The following CDKAL1 variants were observed in gnomAD, a reference collection of about 807,000 sequenced individuals.
CDKAL1 encodes threonylcarbamoyladenosine tRNA methylthiotransferase.
A neutral mutation model predicts 68.2 loss-of-function variants in CDKAL1; 32 were observed. The observed-to-expected ratio is 0.47, with a 90% CI of 0.35 to 0.63. The LOEUF is 0.63. Among genes scored for constraint, CDKAL1 ranks in the 30% least tolerant of loss-of-function variants. CDKAL1 has a pLI of 0.00. For synonymous variants in CDKAL1, 234 were observed against 244.3 expected, an observed-to-expected ratio of 0.96 and a Z score of 0.39; for missense variants, 606 against 696.7, an observed-to-expected ratio of 0.87 and a Z score of 1.47.
At chr6:21,130,768 C>T (rs898888581) in intron 13 of CDKAL1, among the ~76,000 whole-genome samples, 1 of 152,144 alleles carries the variant, frequency 6.6e-6, no homozygotes, top group South Asian at 2.1e-4. Context: ...CAGGGAACTG[C>T]CACCACCCTG....
intron 9 of CDKAL1, among the ~76,000 whole-genome samples, chr6:20,900,025 G>C (rs1761885634): frequency 6.6e-6 from 1 of 152,170 alleles, no homozygotes; most frequent in Admixed American, 6.5e-5. Context: ...TCAATGATTA[G>C]AGATGCTAGC....
At chr6:21,227,357 A>G (rs2151129578) in intron 15 of CDKAL1, among the ~76,000 whole-genome samples, 1 of 152,312 alleles carries the variant, frequency 6.6e-6, no homozygotes. Context: ...TAAGTATCTC[A>G]GTGGTAGTGA....
intron 8 of CDKAL1, among the ~76,000 whole-genome samples, chr6:20,790,231 G>C (rs1775840087): frequency 1.3e-5 from 2 of 152,194 alleles, no homozygotes; most frequent in Non-Finnish European, 1.5e-5. Flanking sequence ...AAAGTTATAA[G>C]CTCACATTGT....
chr6:20,895,339 A>T (rs1340385666), intron 9 of CDKAL1, among the ~76,000 whole-genome samples: 1 of 152,338 alleles, frequency 6.6e-6, no homozygotes, highest in Admixed American at 6.5e-5. Context: ...TTTTATACAC[A>T]TGTGAGAGTT....
chr6:20,967,042 A>G (rs1010558995), intron 10 of CDKAL1, among the ~76,000 whole-genome samples: 1 of 152,172 alleles, frequency 6.6e-6, no homozygotes, highest in Non-Finnish European at 1.5e-5. Context: ...ATGGTTACTG[A>G]CAATACTTGG....
intron 8 of CDKAL1, among the ~76,000 whole-genome samples, chr6:20,814,192 A>C (rs1443662768): frequency 6.6e-6 from 1 of 152,086 alleles, no homozygotes; most frequent in Non-Finnish European, 1.5e-5. Flanking sequence ...ATTGTGAATG[A>C]TATTTTAAGA....
intron 10 of CDKAL1, among the ~76,000 whole-genome samples, chr6:20,987,341 C>T (rs529297003): frequency 1.4e-3 from 208 of 151,816 alleles, no homozygotes; most frequent in Non-Finnish European, 2.3e-3. Context: ...TCACTGCAAC[C>T]TCTGCCTCCT....
At chr6:20,680,640 T>C (rs923103837) in intron 5 of CDKAL1, among the ~76,000 whole-genome samples, 1 of 152,218 alleles carries the variant, frequency 6.6e-6, no homozygotes, top group Non-Finnish European at 1.5e-5. Context: ...AGCAAGACTT[T>C]ATTAATACTG....
rs535182168 is a variant in CDKAL1, at chr6:20,620,965, G to A, written c.287-28328G>A. Reference sequence around the variant, plus strand: ...TAATGTCCCTTTTCTTTTCCAGGATGCCATCCAGGACACCATATTACATTT... The same window carrying A: ...TAATGTCCCTTTTCTTTTCCAGGATACCATCCAGGACACCATATTACATTT... On this transcript the variant is annotated intron_variant, in intron 4 of 15. Transcript: ENST00000274695. 6.4e-4 allele frequency among the ~76,000 whole-genome samples: 98 copies of A among 152,084 alleles called. 2 individuals are homozygous for A. Among genetic ancestry groups the A allele is most frequent in the South Asian group, 2.9e-3 (14 of 4,820 alleles).
intron 5 of CDKAL1, among the ~76,000 whole-genome samples, chr6:20,693,429 C>G (rs1486459829): frequency 6.6e-6 from 1 of 152,082 alleles, no homozygotes; most frequent in Non-Finnish European, 1.5e-5. Context: ...TGAGACCAAA[C>G]TTATAGAACT....
At chr6:20,550,406 T>C (rs754688047) in intron 4 of CDKAL1, among the ~76,000 whole-genome samples, 7 of 152,242 alleles carry the variant, frequency 4.6e-5, no homozygotes, top group African/African-American at 7.2e-5. Flanking sequence ...TTGTTCAGGC[T>C]GGCTCCTGTG....
At chr6:21,001,395 T>C (rs1197239964) in intron 11 of CDKAL1, among the ~76,000 whole-genome samples, 1 of 152,192 alleles carries the variant, frequency 6.6e-6, no homozygotes, top group Non-Finnish European at 1.5e-5. Flanking sequence ...TTTTTCTTTT[T>C]TTTCCTTTTT....
At chr6:20,623,875 T>C (rs1306321017) in intron 4 of CDKAL1, among the ~76,000 whole-genome samples, 1 of 152,102 alleles carries the variant, frequency 6.6e-6, no homozygotes, top group Non-Finnish European at 1.5e-5. Context: ...TCTTCATCTG[T>C]AAAGTGGGGC....
At chr6:21,199,928 A>G (rs984339171) in intron 14 of CDKAL1, among the ~76,000 whole-genome samples, 1 of 152,162 alleles carries the variant, frequency 6.6e-6, no homozygotes, top group African/African-American at 2.4e-5. Flanking sequence ...CCAAGATTCA[A>G]TTTTGCCTTT....
chr6:20,803,024 T>C (rs550996292), intron 8 of CDKAL1, among the ~76,000 whole-genome samples: 90 of 152,348 alleles, frequency 5.9e-4, no homozygotes, highest in African/African-American at 2.1e-3. Context: ...ACTGACAGAA[T>C]GTCTGAACTT....
chr6:20,565,882 G>A (rs1225836027), intron 4 of CDKAL1, among the ~76,000 whole-genome samples: 1 of 152,100 alleles, frequency 6.6e-6, no homozygotes, highest in African/African-American at 2.4e-5. Context: ...TAGTAGATGT[G>A]TAATTCTGTG....
At chr6:20,590,391 A>C (rs2127699788) in intron 4 of CDKAL1, among the ~76,000 whole-genome samples, 1 of 152,224 alleles carries the variant, frequency 6.6e-6, no homozygotes, top group East Asian at 1.9e-4. Context: ...TCTGGGATAC[A>C]TGTGCAGAAT....
At chr6:21,004,924 T>C (rs991993472) in intron 11 of CDKAL1, among the ~76,000 whole-genome samples, 1 of 152,210 alleles carries the variant, frequency 6.6e-6, no homozygotes, top group African/African-American at 2.4e-5. Flanking sequence ...ATCATGCTGC[T>C]GCACTCCAGC....
intron 9 of CDKAL1, among the ~76,000 whole-genome samples, chr6:20,890,012 C>G (rs1316875586): frequency 6.6e-6 from 1 of 152,104 alleles, no homozygotes; most frequent in South Asian, 2.1e-4. Flanking sequence ...CCTCGGCCCC[C>G]CAAAGTGCTG....
Sources: allele counts gnomAD v4.1 joint callset (sites outside exome capture counted in the v4.1 genomes callset), GRCh38; gene constraint gnomAD v4.1.1; transcripts MANE v1.5; gene names NCBI Gene and HGNC (gene_info 2026-07-23, HGNC 2026-07-21).